Variants in CPNE8 observed in about 807,000 individuals in gnomAD.
The protein encoded by CPNE8 is copine 8, also known as copine-8.
Under a neutral mutation model 81.5 loss-of-function variants are expected in CPNE8, and 45 were observed. The ratio of observed to expected loss-of-function variants is 0.55; its 90% CI spans 0.44 to 0.71. The LOEUF (loss-of-function observed/expected upper bound fraction) is 0.71. Ranked by LOEUF, CPNE8 falls within the 30% of genes least tolerant of loss-of-function variation. The probability of loss-of-function intolerance (pLI) is 0.00; values close to 1 mark genes in which losing one functional copy is unlikely to be tolerated. For missense variants in CPNE8, 594 were observed against 672.1 expected (o/e 0.88, Z 1.28); for synonymous variants, 252 against 226.3 (o/e 1.11, Z -1.02).
At chr12:38,898,868 T>G (rs1944422844) in intron 1 of CPNE8, among the ~76,000 whole-genome samples, 1 of 152,188 alleles carries the variant, frequency 6.6e-6, no homozygotes, top group African/African-American at 2.4e-5. Flanking sequence ...TAAGTGTAGC[T>G]GGACTTGTAA....
intron 14 of CPNE8, among the ~76,000 whole-genome samples, chr12:38,702,634 C>A (rs1216575932): frequency 1.3e-5 from 2 of 151,850 alleles, no homozygotes; most frequent in African/African-American, 2.4e-5. Context: ...AAAACAATGA[C>A]AATATTTCAA....
In CPNE8 at chr12:38,900,896, C is replaced by T. The variant is rs539618490; in HGVS notation, c.98+4541G>A. On this transcript the variant is annotated intron_variant, in intron 1 of 19. Coordinates refer to ENST00000331366, the MANE Select transcript of CPNE8 (RefSeq NM_153634.3). ...CACGTAGGCACTCAACCCTTTTCCACTTCATAGTCTTCCTTCCACTTTAAT... is the reference window on the plus strand; with the variant it reads ...CACGTAGGCACTCAACCCTTTTCCATTTCATAGTCTTCCTTCCACTTTAAT... Among the ~76,000 whole-genome samples, 6 of 152,252 alleles carry T rather than the reference C, an allele frequency of 3.9e-5. No individual in the cohort carries two copies. The South Asian group carries it at 1.2e-3, about 32-fold the overall frequency.
intron 10 of CPNE8, among the ~76,000 whole-genome samples, chr12:38,734,337 C>G (rs921864569): frequency 1.3e-5 from 2 of 152,068 alleles, no homozygotes; most frequent in African/African-American, 4.8e-5. Flanking sequence ...AAGTGCCAAT[C>G]ATATTAAACA....
intron 6 of CPNE8, among the ~76,000 whole-genome samples, chr12:38,826,705 TATA>T (rs1436531266): frequency 6.6e-6 from 1 of 152,112 alleles, no homozygotes; most frequent in Admixed American, 6.5e-5. Context: ...ATCAACACAT[TATA>T]ATAATATCAA....
At chr12:38,712,411 T>C (rs1940282727) in intron 13 of CPNE8, among the ~76,000 whole-genome samples, 1 of 151,886 alleles carries the variant, frequency 6.6e-6, no homozygotes, top group Non-Finnish European at 1.5e-5. Flanking sequence ...TGCGGGCACA[T>C]TATATTGTCC....
chr12:38,692,432 A>G (rs2136671308), intron 15 of CPNE8, among the ~76,000 whole-genome samples: 1 of 152,360 alleles, frequency 6.6e-6, no homozygotes, highest in African/African-American at 2.4e-5. Context: ...AAATATTTAT[A>G]TAATTACCAG....
chr12:38,695,992 C>T (rs571854751), intron 14 of CPNE8, among the ~76,000 whole-genome samples: 66 of 152,240 alleles, frequency 4.3e-4, no homozygotes, highest in African/African-American at 1.5e-3. Context: ...AACTCTCAAA[C>T]TCACAAATAT....
At chr12:38,904,312 G>A (rs923279417) in intron 1 of CPNE8, among the ~76,000 whole-genome samples, 7 of 152,042 alleles carry the variant, frequency 4.6e-5, no homozygotes, top group African/African-American at 1.7e-4. Context: ...GCAAATTAGT[G>A]GCCAGTACCA....
At chr12:38,788,762 T>C (rs147818282) in intron 6 of CPNE8, among the ~76,000 whole-genome samples, 1 of 151,694 alleles carries the variant, frequency 6.6e-6, no homozygotes, top group Non-Finnish European at 1.5e-5. Context: ...ATTCAGTAAA[T>C]TGAAGGATAT....
At chr12:38,874,603 G>A in intron 1 of CPNE8, 92 bp from the exon 2 acceptor site, 1 of 729,208 alleles carries the variant, frequency 1.4e-6, no homozygotes, top group Non-Finnish European at 2.3e-6. Flanking sequence ...ACATAATTGT[G>A]TATATATATA....
intron 1 of CPNE8, among the ~76,000 whole-genome samples, chr12:38,894,562 C>T (rs117609783): frequency 0.016 from 2,498 of 151,828 alleles, 29 homozygotes; most frequent in Middle Eastern, 0.031. Flanking sequence ...TATCTAAAAT[C>T]GTAGGTAATT....
At chr12:38,794,715 T>C (rs1341187851) in intron 6 of CPNE8, among the ~76,000 whole-genome samples, 1 of 151,292 alleles carries the variant, frequency 6.6e-6, no homozygotes. Flanking sequence ...TTGTGCACTA[T>C]TGGTGGGATT....
chr12:38,896,471 C>A (rs767987542), intron 1 of CPNE8, among the ~76,000 whole-genome samples: 3 of 152,110 alleles, frequency 2.0e-5, no homozygotes, highest in Non-Finnish European at 4.4e-5. Context: ...CAGGCAATAA[C>A]TACTTGCCTT....
At chr12:38,811,621 G>A (rs1329716554) in intron 6 of CPNE8, among the ~76,000 whole-genome samples, 1 of 152,204 alleles carries the variant, frequency 6.6e-6, no homozygotes, top group Non-Finnish European at 1.5e-5. Context: ...TTCAGAGGCT[G>A]AGACAGGAGG....
chr12:38,836,897 T>C (rs748809205), intron 5 of CPNE8, among the ~76,000 whole-genome samples: 1 of 152,230 alleles, frequency 6.6e-6, no homozygotes, highest in African/African-American at 2.4e-5. Context: ...AACAGAAATC[T>C]AGATAGTCAT....
chr12:38,771,005 T>G (rs1382623461), intron 7 of CPNE8, among the ~76,000 whole-genome samples: 1 of 152,146 alleles, frequency 6.6e-6, no homozygotes, highest in Non-Finnish European at 1.5e-5. Context: ...AGGACCAGGT[T>G]TGGGGGTTGT....
At chr12:38,754,612 C>CCA (rs1170854159) in intron 10 of CPNE8, among the ~76,000 whole-genome samples, 1 of 151,094 alleles carries the variant, frequency 6.6e-6, no homozygotes, top group East Asian at 1.9e-4. Flanking sequence ...AAATTGATTA[C>CCA]CACTTCAGGT....
At chr12:38,896,659 G>C (rs1944392977) in intron 1 of CPNE8, among the ~76,000 whole-genome samples, 1 of 152,104 alleles carries the variant, frequency 6.6e-6, no homozygotes, top group South Asian at 2.1e-4. Context: ...ATGACTGATT[G>C]TGTCTTGGCA....
At chr12:38,763,592 A>G (rs1941616536) in intron 8 of CPNE8, among the ~76,000 whole-genome samples, 1 of 152,206 alleles carries the variant, frequency 6.6e-6, no homozygotes. Context: ...ATGGGGCAGA[A>G]TTCATGAAGC....
Sources: gnomAD v4.1 joint callset for allele counts (sites outside exome capture counted in the v4.1 genomes callset) on GRCh38, gnomAD v4.1.1 for gene constraint, MANE v1.5 for transcripts, NCBI Gene and HGNC (gene_info 2026-07-23, HGNC 2026-07-21) for gene names.